Variants in HECW2 observed in about 807,000 individuals in gnomAD.
HECW2 encodes the protein E3 ubiquitin-protein ligase HECW2.
In HECW2, 61 loss-of-function variants were observed where a neutral mutation model predicts 175.2. That is an observed-to-expected ratio of 0.35 (90% CI 0.28 to 0.43). HECW2 has a LOEUF of 0.43. Among genes scored for constraint, HECW2 ranks in the 20% least tolerant of loss-of-function variants. The pLI is 1.00. For synonymous variants in HECW2, 671 were observed against 731.0 expected, an observed-to-expected ratio of 0.92 and a Z score of 1.32; for missense variants, 1,524 against 2,000.5, an observed-to-expected ratio of 0.76 and a Z score of 4.54.
At chr2:196,495,305 A>T (rs543477940) in intron 1 of HECW2, among the ~76,000 whole-genome samples, 14 of 152,168 alleles carry the variant, frequency 9.2e-5, no homozygotes, top group African/African-American at 3.4e-4. Context: ...CGATCTCGTG[A>T]TCTGTCCACC....
At chr2:196,488,796 T>C (rs961608446) in intron 1 of HECW2, among the ~76,000 whole-genome samples, 1 of 152,206 alleles carries the variant, frequency 6.6e-6, no homozygotes, top group Non-Finnish European at 1.5e-5. Context: ...ATGACCATGA[T>C]TTTTAAGGTC....
chr2:196,392,535 CA>C (rs1694544623), intron 2 of HECW2, among the ~76,000 whole-genome samples: 1 of 152,036 alleles, frequency 6.6e-6, no homozygotes, highest in Non-Finnish European at 1.5e-5. Flanking sequence ...CAATGCAACA[CA>C]AGGTGTTCCA....
At chr2:196,376,314 A>C (rs1334346657) in intron 2 of HECW2, among the ~76,000 whole-genome samples, 1 of 152,228 alleles carries the variant, frequency 6.6e-6, no homozygotes, top group Non-Finnish European at 1.5e-5. Flanking sequence ...AAAAACAAGA[A>C]TCCAACAACA....
intron 1 of HECW2, among the ~76,000 whole-genome samples, chr2:196,543,731 G>C (rs1689306473): frequency 6.6e-6 from 1 of 152,124 alleles, no homozygotes; most frequent in Admixed American, 6.5e-5. Flanking sequence ...TCCTGCCTCA[G>C]CCTCCCGAGT....
At position 196,458,430 on chromosome 2, in the gene HECW2, ACT is replaced by A. The variant is rs1559121752; in HGVS notation, c.-35-24974_-35-24973del. Among the ~76,000 whole-genome samples, 4 of 107,720 alleles carry A rather than the reference ACT, an allele frequency of 3.7e-5. No individual in the cohort carries two copies. In the East Asian group the frequency reaches 1.4e-3, roughly 38 times the overall value. The allele number at this position is 107,720 out of a possible 152,430, so 70.7% of individuals were successfully genotyped here. Reference sequence around the variant, plus strand: ...TTAACTGTTTCTCTCTCTCCCTCTCACTCACTCACACACACACACACACACAC... The same window carrying A: ...TTAACTGTTTCTCTCTCTCCCTCTCACACTCACACACACACACACACACAC... On this transcript the variant is annotated intron_variant, in intron 1 of 28. Transcript: ENST00000644978.
At chr2:196,225,268 C>A (rs894754122) in intron 23 of HECW2, among the ~76,000 whole-genome samples, 1 of 152,206 alleles carries the variant, frequency 6.6e-6, no homozygotes, top group Admixed American at 6.5e-5. Flanking sequence ...GTTTAAGAAA[C>A]ATATGGCACT....
At chr2:196,349,536 TGTGC>T (rs1251740830) in intron 2 of HECW2, among the ~76,000 whole-genome samples, 7 of 151,956 alleles carry the variant, frequency 4.6e-5, no homozygotes, top group East Asian at 1.9e-4. Context: ...TGTGTGTGTG[TGTGC>T]GCGCGCACAC....
intron 13 of HECW2, among the ~76,000 whole-genome samples, chr2:196,300,511 A>G (rs980753263): frequency 6.6e-6 from 1 of 152,250 alleles, no homozygotes; most frequent in Admixed American, 6.5e-5. Context: ...TCCCTTTTAC[A>G]CTGTTGTCTT....
intron 10 of HECW2, among the ~76,000 whole-genome samples, chr2:196,313,515 A>G (rs774395117): frequency 7.2e-5 from 11 of 152,174 alleles, no homozygotes; most frequent in Non-Finnish European, 1.3e-4. Flanking sequence ...AGCTGGAGTT[A>G]CACAAGCCAC....
At chr2:196,309,308 G>T (rs1691391535) in intron 10 of HECW2, among the ~76,000 whole-genome samples, 1 of 152,118 alleles carries the variant, frequency 6.6e-6, no homozygotes, top group Non-Finnish European at 1.5e-5. Context: ...ATGACAAATG[G>T]CAAAAGAAAG....
At chr2:196,522,442 G>C (rs1688438073) in intron 1 of HECW2, among the ~76,000 whole-genome samples, 1 of 152,144 alleles carries the variant, frequency 6.6e-6, no homozygotes, top group Non-Finnish European at 1.5e-5. Context: ...TGTTCACTCT[G>C]ATGGTAGTTT....
chr2:196,473,897 A>G (rs1223996347), intron 1 of HECW2, among the ~76,000 whole-genome samples: 2 of 152,252 alleles, frequency 1.3e-5, no homozygotes, highest in Non-Finnish European at 2.9e-5. Context: ...CAGGCAGGAC[A>G]TATTTAGAAA....
At chr2:196,382,030 A>C (rs1181997820) in intron 2 of HECW2, among the ~76,000 whole-genome samples, 1 of 152,200 alleles carries the variant, frequency 6.6e-6, no homozygotes, top group Non-Finnish European at 1.5e-5. Flanking sequence ...GTGCACATAT[A>C]TAAGAATGGG....
At chr2:196,217,826 A>C (rs1375076412) in intron 26 of HECW2, 1 of 152,262 alleles carries the variant, frequency 6.6e-6, no homozygotes, top group Non-Finnish European at 1.5e-5. Flanking sequence ...AATTCAGAGA[A>C]AAGGCTAACA....
At chr2:196,484,482 G>C (rs145777801) in intron 1 of HECW2, among the ~76,000 whole-genome samples, 73 of 152,284 alleles carry the variant, frequency 4.8e-4, no homozygotes, top group African/African-American at 1.7e-3. Flanking sequence ...CTGCAGGACT[G>C]CACTTAATGG....
At chr2:196,238,033 T>A (rs566546041) in intron 21 of HECW2, among the ~76,000 whole-genome samples, 2 of 152,146 alleles carry the variant, frequency 1.3e-5, no homozygotes, top group South Asian at 2.1e-4. Context: ...TTGAGGGGAT[T>A]AGAATTGGTA....
intron 2 of HECW2, among the ~76,000 whole-genome samples, chr2:196,376,970 T>G (rs562695475): frequency 7.2e-5 from 11 of 152,228 alleles, no homozygotes; most frequent in East Asian, 5.8e-4. Flanking sequence ...ATGAATGAAT[T>G]AATTAAGATC....
intron 2 of HECW2, among the ~76,000 whole-genome samples, chr2:196,415,241 C>A (rs1045237756): frequency 2.0e-5 from 3 of 152,128 alleles, no homozygotes; most frequent in Non-Finnish European, 4.4e-5. Context: ...TTATATTCCT[C>A]GGTAGGAGAC....
chr2:196,394,502 T>C (rs1694606119), intron 2 of HECW2, among the ~76,000 whole-genome samples: 1 of 152,180 alleles, frequency 6.6e-6, no homozygotes, highest in Non-Finnish European at 1.5e-5. Context: ...GGTGTAATTT[T>C]AGTGAGTCAA....
Sources: gnomAD v4.1 joint callset for allele counts (sites outside exome capture counted in the v4.1 genomes callset) on GRCh38, gnomAD v4.1.1 for gene constraint, MANE v1.5 for transcripts, NCBI Gene and HGNC (gene_info 2026-07-23, HGNC 2026-07-21) for gene names.